The following EDIL3 variants were observed in gnomAD, a reference collection of about 807,000 sequenced individuals.
EDIL3 encodes EGF like and discoidin domains 3, also known as EGF-like repeat and discoidin I-like domain-containing protein 3.
EDIL3 carries 37 observed loss-of-function variants against 67.4 expected under a neutral mutation model. The observed-to-expected ratio is 0.55, with a 90% CI of 0.42 to 0.72. The LOEUF is 0.72. EDIL3 is among the 30% of genes least tolerant of loss of function. The pLI, the probability that EDIL3 is intolerant of heterozygous loss-of-function variation, is 0.00. For missense variants in EDIL3, 527 were observed against 586.3 expected, an observed-to-expected ratio of 0.90 and a Z score of 1.04; for synonymous variants, 195 against 196.3, an observed-to-expected ratio of 0.99 and a Z score of 0.05.
intron 8 of EDIL3, among the ~76,000 whole-genome samples, chr5:84,062,555 T>C (rs953961838): frequency 6.6e-5 from 10 of 152,150 alleles, no homozygotes; most frequent in African/African-American, 2.2e-4. Flanking sequence ...GTTCATAGAA[T>C]GAATGAATGA....
chr5:84,052,314 G>A (rs1429748433), intron 9 of EDIL3, among the ~76,000 whole-genome samples: 11 of 152,142 alleles, frequency 7.2e-5, no homozygotes, highest in African/African-American at 2.4e-4. Context: ...AGGAAGCAAT[G>A]AACATGGAAA....
At chr5:84,132,817 A>G (rs1378013900) in intron 5 of EDIL3, among the ~76,000 whole-genome samples, 4 of 151,572 alleles carry the variant, frequency 2.6e-5, no homozygotes, top group Non-Finnish European at 5.9e-5. Context: ...TTATTTTATT[A>G]AATTTGCAAA....
At chr5:84,053,973 C>T (rs1423356984) in intron 9 of EDIL3, among the ~76,000 whole-genome samples, 1 of 152,114 alleles carries the variant, frequency 6.6e-6, no homozygotes, top group Admixed American at 6.5e-5. Flanking sequence ...CCAGCATCAT[C>T]CTGATACCAA....
chr5:83,999,216 C>A (rs113499352), intron 9 of EDIL3, among the ~76,000 whole-genome samples: 1 of 152,096 alleles, frequency 6.6e-6, no homozygotes. Context: ...AGAATAACTA[C>A]GTAAGTCTTC....
chr5:84,194,416 A>G (rs2112371258), intron 3 of EDIL3, among the ~76,000 whole-genome samples: 1 of 152,064 alleles, frequency 6.6e-6, no homozygotes, highest in East Asian at 1.9e-4. Flanking sequence ...AGATTTGCCC[A>G]CAGGGATAAA....
chr5:84,185,748 G>T (rs1328685609), intron 3 of EDIL3, among the ~76,000 whole-genome samples: 1 of 151,960 alleles, frequency 6.6e-6, no homozygotes, highest in Non-Finnish European at 1.5e-5. Flanking sequence ...TCTCTAATAT[G>T]GTTTAAGCTT....
intron 3 of EDIL3, among the ~76,000 whole-genome samples, chr5:84,207,822 G>A (rs948975655): frequency 1.3e-5 from 2 of 151,054 alleles, no homozygotes; most frequent in African/African-American, 4.8e-5. Context: ...AATAAATGGT[G>A]CTGGGAAAAC....
intron 1 of EDIL3, 54 bp downstream of exon 1, chr5:84,384,254 T>C: frequency 6.3e-7 from 1 of 1,579,408 alleles, no homozygotes; most frequent in Non-Finnish European, 8.6e-7. Flanking sequence ...GCGGCGTTTC[T>C]CAGGGGACTC....
intron 1 of EDIL3, among the ~76,000 whole-genome samples, chr5:84,356,542 T>C (rs1197129544): frequency 6.6e-6 from 1 of 152,146 alleles, no homozygotes; most frequent in Non-Finnish European, 1.5e-5. Context: ...CTCCTTCAAA[T>C]CTCCTGCCTA....
intron 9 of EDIL3, among the ~76,000 whole-genome samples, chr5:84,047,131 A>G (rs1206192079): frequency 1.3e-5 from 2 of 152,174 alleles, no homozygotes; most frequent in Non-Finnish European, 2.9e-5. Flanking sequence ...TAAAGGTTCC[A>G]TGCATTTTTT....
chr5:84,170,309 T>C (rs1285646723), intron 4 of EDIL3, among the ~76,000 whole-genome samples: 1 of 152,048 alleles, frequency 6.6e-6, no homozygotes, highest in Non-Finnish European at 1.5e-5. Flanking sequence ...ATTTGTAAGG[T>C]TCTGGGAAAA....
At chr5:84,058,016 T>C (rs1378044896) in intron 9 of EDIL3, among the ~76,000 whole-genome samples, 1 of 152,130 alleles carries the variant, frequency 6.6e-6, no homozygotes, top group Non-Finnish European at 1.5e-5. Flanking sequence ...GTGGGCAGAA[T>C]GGATTTGGCA....
chr5:84,250,865 G>C (rs763107765), intron 2 of EDIL3, among the ~76,000 whole-genome samples: 2 of 152,254 alleles, frequency 1.3e-5, no homozygotes, highest in Middle Eastern at 3.4e-3. Context: ...CATATGGTCT[G>C]AAATGGATAG....
intron 2 of EDIL3, among the ~76,000 whole-genome samples, chr5:84,253,347 A>C (rs1370268479): frequency 6.6e-6 from 1 of 152,182 alleles, no homozygotes; most frequent in Non-Finnish European, 1.5e-5. Context: ...TTTCAAACTT[A>C]CCTGTGCTAT....
chr5:84,200,502 A>G (rs1252634508), intron 3 of EDIL3, among the ~76,000 whole-genome samples: 2 of 152,030 alleles, frequency 1.3e-5, no homozygotes, highest in African/African-American at 4.8e-5. Context: ...ACCAAAAAAA[A>G]TTTACCATGT....
At chr5:84,046,213 A>T (rs1746221220) in intron 9 of EDIL3, among the ~76,000 whole-genome samples, 1 of 152,196 alleles carries the variant, frequency 6.6e-6, no homozygotes, top group Admixed American at 6.5e-5. Flanking sequence ...GGGATATACG[A>T]TTGTTACAAT....
intron 3 of EDIL3, among the ~76,000 whole-genome samples, chr5:84,207,379 G>A (rs887274617): frequency 6.6e-6 from 1 of 152,122 alleles, no homozygotes; most frequent in Non-Finnish European, 1.5e-5. Context: ...ACAAACCACT[G>A]CTCATTGAAA....
chr5:83,955,564 T>C lies in EDIL3; in HGVS notation c.1293+7641A>G, dbSNP rs180936879. Among the ~76,000 whole-genome samples, 4 of 151,874 alleles carry C rather than the reference T, an allele frequency of 2.6e-5. No individual in the cohort carries two copies. In the East Asian group the frequency reaches 7.8e-4, roughly 30 times the overall value. Reference sequence around the variant, plus strand: ...AGCATGTATTTACTCCTTATTATCATATTATCCTGACTTGTTTTCTGCTTT... The same window carrying C: ...AGCATGTATTTACTCCTTATTATCACATTATCCTGACTTGTTTTCTGCTTT... On this transcript the variant is annotated intron_variant, in intron 10 of 10. Transcript: ENST00000296591.
chr5:83,963,666 T>G (rs1316628955), intron 9 of EDIL3, among the ~76,000 whole-genome samples: 1 of 150,998 alleles, frequency 6.6e-6, no homozygotes, highest in African/African-American at 2.4e-5. Flanking sequence ...TTTTTTTTTT[T>G]TTTTTTGTAA....
Sources: gnomAD v4.1 joint callset for allele counts (sites outside exome capture counted in the v4.1 genomes callset) on GRCh38, gnomAD v4.1.1 for gene constraint, MANE v1.5 for transcripts, NCBI Gene and HGNC (gene_info 2026-07-23, HGNC 2026-07-21) for gene names.